LZTFL1: variants seen among roughly 807,000 people sequenced by gnomAD.
LZTFL1 encodes leucine zipper transcription factor like 1, also known as leucine zipper transcription factor-like protein 1.
Under a neutral mutation model 45.9 loss-of-function variants are expected in LZTFL1, and 25 were observed. The observed-to-expected ratio is 0.54, with a 90% CI of 0.40 to 0.76. LZTFL1 has a LOEUF of 0.76. LZTFL1 is among the 30% of genes least tolerant of loss of function. The pLI, the probability that LZTFL1 is intolerant of heterozygous loss-of-function variation, is 0.00. For synonymous variants in LZTFL1, 93 were observed against 117.4 expected (o/e 0.79, Z 1.35); for missense variants, 277 against 331.1 (o/e 0.84, Z 1.27).
chr3:45,859,529 T>A (rs1182431791), intron 2 of LZTFL1, among the ~76,000 whole-genome samples: 1 of 152,228 alleles, frequency 6.6e-6, no homozygotes, highest in African/African-American at 2.4e-5. Flanking sequence ...ATGTGGCCTA[T>A]GCTGGTATTT....
chr3:45,843,857 C>T (rs1037329037), upstream of LZTFL1, among the ~76,000 whole-genome samples: 6 of 152,100 alleles, frequency 3.9e-5, no homozygotes, highest in African/African-American at 1.2e-4. Flanking sequence ...TTTACTAGTG[C>T]GGGTTGGTCA....
chr3:45,847,304 T>C (rs1260648188), intron 4 of LZTFL1, among the ~76,000 whole-genome samples: 1 of 152,220 alleles, frequency 6.6e-6, no homozygotes, highest in East Asian at 1.9e-4. Flanking sequence ...GCTTTTCCTG[T>C]AGCAAAGATG....
intron 2 of LZTFL1, among the ~76,000 whole-genome samples, chr3:45,880,279 G>A (rs6798047): frequency 0.28 from 42,676 of 152,060 alleles, 6,553 homozygotes; most frequent in African/African-American, 0.39. Flanking sequence ...CGAGGTAGGC[G>A]GATCACGAGG....
At chr3:45,873,055 A>C (rs182598537) in intron 2 of LZTFL1, among the ~76,000 whole-genome samples, 50 of 152,308 alleles carry the variant, frequency 3.3e-4, no homozygotes, top group Non-Finnish European at 6.5e-4. Flanking sequence ...TCAAACTAAC[A>C]AATACCATGA....
At chr3:45,830,858 T>A in intron 7 of LZTFL1, 55 bp downstream of exon 7, 2 of 1,510,298 alleles carry the variant, frequency 1.3e-6, no homozygotes, top group Admixed American at 1.7e-5. Context: ...AATTTTAAGT[T>A]TATAACTTCA....
intron 2 of LZTFL1, among the ~76,000 whole-genome samples, chr3:45,860,527 G>A (rs1701469338): frequency 1.3e-5 from 2 of 151,798 alleles, no homozygotes; most frequent in Admixed American, 1.3e-4. Flanking sequence ...TGGAAAATCT[G>A]CTTTTCTCTT....
At chr3:45,886,932 A>G (rs1195284566) in intron 2 of LZTFL1, among the ~76,000 whole-genome samples, 1 of 152,202 alleles carries the variant, frequency 6.6e-6, no homozygotes, top group Non-Finnish European at 1.5e-5. Flanking sequence ...AGGAAGGAGA[A>G]GCAGGTGCTG....
chr3:45,830,219 G>T (rs1163949680), intron 7 of LZTFL1, among the ~76,000 whole-genome samples: 13 of 152,218 alleles, frequency 8.5e-5, no homozygotes, highest in Admixed American at 2.6e-4. Context: ...CACTAGAAAA[G>T]CCAATGCTGT....
At chr3:45,861,323 C>T (rs1483058220) in intron 2 of LZTFL1, among the ~76,000 whole-genome samples, 3 of 151,760 alleles carry the variant, frequency 2.0e-5, no homozygotes, top group East Asian at 1.9e-4. Context: ...TGAGTAAAAT[C>T]GAGAACAGTG....
chr3:45,827,162 CT>C (rs1700689030), intron 9 of LZTFL1, 193 bp downstream of exon 9: 1 of 556,512 alleles, frequency 1.8e-6, no homozygotes, highest in Non-Finnish European at 3.1e-6. Context: ...CTAGATGAAC[CT>C]AAAAAGAAGC....
chr3:45,855,524 A>G (rs1424933810), intron 3 of LZTFL1, among the ~76,000 whole-genome samples: 1 of 152,104 alleles, frequency 6.6e-6, no homozygotes, highest in African/African-American at 2.4e-5. Flanking sequence ...GCCCTCTCTC[A>G]CCACCCTTAT....
chr3:45,854,859 A>G (rs1224973906), intron 4 of LZTFL1: 1 of 642,022 alleles, frequency 1.6e-6, no homozygotes, highest in African/African-American at 1.8e-5. Context: ...AATCATCACC[A>G]TTCCCTTCTT....
intron 3 of LZTFL1, chr3:45,855,213 C>T: frequency 1.8e-6 from 1 of 554,216 alleles, no homozygotes; most frequent in Non-Finnish European, 3.2e-6. Flanking sequence ...GCTTATCCAC[C>T]ACAATCAAGT....
intron 7 of LZTFL1, among the ~76,000 whole-genome samples, chr3:45,829,422 G>A (rs1700754364): frequency 6.6e-6 from 1 of 151,904 alleles, no homozygotes; most frequent in Non-Finnish European, 1.5e-5. Flanking sequence ...GGGCAACAGA[G>A]CAAGACCCCG....
At chr3:45,858,105 C>T (rs529322329) in intron 3 of LZTFL1, among the ~76,000 whole-genome samples, 5 of 152,278 alleles carry the variant, frequency 3.3e-5, no homozygotes, top group African/African-American at 9.6e-5. Flanking sequence ...CTCCTTTACA[C>T]ATTCAATTTT....
chr3:45,879,164 C>T (rs1701806061), intron 2 of LZTFL1, among the ~76,000 whole-genome samples: 1 of 152,120 alleles, frequency 6.6e-6, no homozygotes, highest in Non-Finnish European at 1.5e-5. Context: ...TCAGTATGTA[C>T]CCAAATGAGC....
chr3:45,865,929 G>C (rs1701571294), intron 2 of LZTFL1, among the ~76,000 whole-genome samples: 1 of 152,196 alleles, frequency 6.6e-6, no homozygotes. Context: ...ACTGGTATAG[G>C]CCATGTAATC....
At chr3:45,865,477 A>G (rs1228422713) in intron 2 of LZTFL1, among the ~76,000 whole-genome samples, 1 of 152,274 alleles carries the variant, frequency 6.6e-6, no homozygotes. Flanking sequence ...GCACATGCAC[A>G]CACATGCACA....
intron 2 of LZTFL1, among the ~76,000 whole-genome samples, chr3:45,912,080 A>G (rs1232725472): frequency 6.6e-6 from 1 of 152,242 alleles, no homozygotes; most frequent in Non-Finnish European, 1.5e-5. Flanking sequence ...GGGTGTGAAT[A>G]GTGTTCGTCA....
Sources: allele counts gnomAD v4.1 joint callset (sites outside exome capture counted in the v4.1 genomes callset), GRCh38; gene constraint gnomAD v4.1.1; transcripts MANE v1.5; gene names NCBI Gene and HGNC (gene_info 2026-07-23, HGNC 2026-07-21).